IFFO2: variants seen among roughly 807,000 people sequenced by gnomAD.
The protein encoded by IFFO2 is intermediate filament family orphan 2.
IFFO2 carries 19 observed loss-of-function variants against 53.5 expected under a neutral mutation model. The ratio of observed to expected loss-of-function variants is 0.36; its 90% CI spans 0.25 to 0.52. The LOEUF (loss-of-function observed/expected upper bound fraction) is 0.52. IFFO2 is among the 20% of genes least tolerant of loss of function. IFFO2 has a pLI of 0.94. For missense variants in IFFO2, 570 were observed against 727.4 expected (o/e 0.78, Z 2.49); for synonymous variants, 303 against 313.6 (o/e 0.97, Z 0.36).
In IFFO2 at chr1:18,919,821, G is replaced by A; in HGVS notation, c.727-48C>T. ...GCTTCAGAGGGGCCGGGTCCTCTGG[G>A]GATAGGAGGGTCTGGACACCTGAGT... On this transcript the variant is annotated intron_variant, in intron 2 of 8. Transcript: ENST00000455833. This position sits in a 1 kb window ranked among gnomAD's most constrained non-coding sequence, Gnocchi z 4.9. The A allele has an allele frequency of 1.5e-6, 2 of 1,334,788 alleles. No homozygotes were observed. The highest frequency in any genetic ancestry group is 2.1e-6 in the Non-Finnish European group (2 of 952,458). 82.7% of individuals were successfully genotyped at this position (1,334,788 alleles called of 1,614,324 possible).
At chr1:18,935,966 C>G (rs1424332216) in intron 1 of IFFO2, among the ~76,000 whole-genome samples, 1 of 150,868 alleles carries the variant, frequency 6.6e-6, no homozygotes, top group Non-Finnish European at 1.5e-5. Context: ...CTCAGACTCC[C>G]AAAGTGCTGG....
intron 5 of IFFO2, among the ~76,000 whole-genome samples, chr1:18,914,182 T>G (rs985223449): frequency 1.3e-5 from 2 of 152,224 alleles, no homozygotes; most frequent in Non-Finnish European, 2.9e-5. Context: ...AATTCCATAC[T>G]GAACCCAATT....
chr1:18,938,521 C>T (rs1343917115), intron 1 of IFFO2, among the ~76,000 whole-genome samples: 8 of 152,190 alleles, frequency 5.3e-5, no homozygotes, highest in Non-Finnish European at 7.3e-5. Flanking sequence ...GGCCCTCAAC[C>T]GCTACTGACT....
In IFFO2 at chr1:18,921,148, T is replaced by A. The variant is rs527399936; in HGVS notation, c.666-27A>T. The A allele has an allele frequency of 1.0e-4, 162 of 1,548,986 alleles. No individual in the cohort carries two copies. In the South Asian group the frequency reaches 1.8e-3, roughly 17 times the overall value. On this transcript the variant is annotated intron_variant, in intron 1 of 8. Transcript: ENST00000455833. ...TGCAAAAGCCAAGAGGAACAGGTGG[T>A]CAGAAGGTGAGTTCCCTGTGCCAGT...
Position 18,908,320 on chromosome 1 carries a change from G to A in IFFO2, c.*241C>T, listed in dbSNP as rs1183648761. On this transcript the variant is annotated 3_prime_UTR_variant, in exon 9 of 9. Coordinates refer to ENST00000455833, the MANE Select transcript of IFFO2 (RefSeq NM_001136265.2). ...CACAGAAGTCTGCATTTGTAATGTG[G>A]AGAACAATAGAAATTGACAGCACCA... 1 of 515,332 alleles carries A rather than the reference G, an allele frequency of 1.9e-6. No homozygotes were observed. 31.9% of individuals were successfully genotyped at this position (515,332 alleles called of 1,614,324 possible). A position where few individuals can be genotyped will look rare whatever the true frequency, so the allele number is the denominator to read the frequency against.
chr1:18,931,187 A>G (rs1936371228), intron 1 of IFFO2, among the ~76,000 whole-genome samples: 1 of 152,006 alleles, frequency 6.6e-6, no homozygotes, highest in Non-Finnish European at 1.5e-5. Context: ...CAAACAAAAA[A>G]CACCTTTGGA....
At position 18,918,444 on chromosome 1, in the gene IFFO2, A is replaced by G; in HGVS notation, c.881T>C (p.Ile294Thr). 6.4e-7 allele frequency: 1 copy of G among 1,561,806 alleles called. No individual in the cohort carries two copies. Among genetic ancestry groups the G allele is most frequent in the Non-Finnish European group, 8.7e-7 (1 of 1,152,590 alleles). The change falls in exon 4 of 9, where the codon ATC becomes ACC. Residue 294 changes from isoleucine (I) to threonine (T), a missense_variant. Transcript: ENST00000455833. The surrounding 1 kb of genome is among the most constrained non-coding windows in gnomAD (Gnocchi z 5.2). ...QEKAMKVDMD[I>T]CRRIDITAKL... ...GGCCGTGATATCGATTCGGCGGCAG[A>G]TGTCCATGTCCACCTTCATGGCCTT...
At position 18,912,028 on chromosome 1, in the gene IFFO2, C is replaced by T; in HGVS notation, c.1159G>A (p.Glu387Lys). 1 of 1,551,828 alleles carries T rather than the reference C, an allele frequency of 6.4e-7. No homozygotes were observed. The highest frequency in any genetic ancestry group is 8.7e-7 in the Non-Finnish European group (1 of 1,147,006). ...TCCTCCCAGAGCAGCAGCGTGTCTT[C>T]ATTCTCTTCCCACGTCAGGCTGTCA... is the stretch of plus-strand genomic sequence containing the variant. The part of the protein sequence containing the change: ...DCDSLTWEEN[E>K]DTLLLWEDFT... Residue 387 changes from glutamate (E) to lysine (K), a missense_variant, in exon 6 of 9, where the codon GAA (glutamate) becomes AAA (lysine). Transcript: ENST00000455833.
At chr1:18,927,276 C>T (rs531391831) in intron 1 of IFFO2, among the ~76,000 whole-genome samples, 3 of 152,312 alleles carry the variant, frequency 2.0e-5, no homozygotes, top group Admixed American at 6.5e-5. Context: ...TGCGGGAAGG[C>T]GAGCGGCCGG....
chr1:18,940,893 C>G (rs145223628), intron 1 of IFFO2, among the ~76,000 whole-genome samples: 12 of 152,316 alleles, frequency 7.9e-5, no homozygotes, highest in African/African-American at 7.2e-5. Context: ...CAAGTCCCCC[C>G]CAAAAGCCAT....
In IFFO2 at chr1:18,908,551, GC is replaced by G; in HGVS notation, c.*9del. On this transcript the variant is annotated 3_prime_UTR_variant, in exon 9 of 9. Transcript: ENST00000455833. ...TCACCAAGACCACCAGGCTCGCAGGGCCTCAGTCATCAGCTGACCATGGGCT... is the reference window on the plus strand; with the variant it reads ...TCACCAAGACCACCAGGCTCGCAGGGCTCAGTCATCAGCTGACCATGGGCT... 1.3e-6 allele frequency: 2 copies of G among 1,543,088 alleles called. No homozygotes were observed. The highest frequency in any genetic ancestry group is 1.8e-6 in the Non-Finnish European group (2 of 1,139,194).
At chr1:18,935,656 TCTC>T (rs1031614551) in intron 1 of IFFO2, among the ~76,000 whole-genome samples, 1 of 151,616 alleles carries the variant, frequency 6.6e-6, no homozygotes, top group African/African-American at 2.4e-5. Flanking sequence ...CCCCTGCTGG[TCTC>T]CTCTGCTTAA....
intron 1 of IFFO2, among the ~76,000 whole-genome samples, chr1:18,931,928 T>C (rs772455002): frequency 6.6e-6 from 1 of 152,226 alleles, no homozygotes; most frequent in African/African-American, 2.4e-5. Context: ...TCACAGTCAC[T>C]GACCTGGAAA....
chr1:18,954,508 TC>T (rs980936781), intron 1 of IFFO2, among the ~76,000 whole-genome samples: 4 of 152,174 alleles, frequency 2.6e-5, no homozygotes, highest in African/African-American at 9.7e-5. Flanking sequence ...GAAGGGTCCT[TC>T]TCAGTACATC....
intron 5 of IFFO2, among the ~76,000 whole-genome samples, 189 bp from the exon 6 acceptor site, chr1:18,912,272 A>C (rs1936052931): frequency 6.6e-6 from 1 of 151,880 alleles, no homozygotes; most frequent in Non-Finnish European, 1.5e-5. Context: ...AAAATGCAGA[A>C]TGTATTTATG....
At chr1:18,913,286 AG>A (rs1936067821) in intron 5 of IFFO2, among the ~76,000 whole-genome samples, 1 of 152,232 alleles carries the variant, frequency 6.6e-6, no homozygotes, top group Non-Finnish European at 1.5e-5. Flanking sequence ...CCCCGAGTCC[AG>A]GGTCCTGAGC....
intron 1 of IFFO2, among the ~76,000 whole-genome samples, chr1:18,954,157 T>C (rs1311253941): frequency 1.3e-5 from 2 of 152,212 alleles, no homozygotes; most frequent in Admixed American, 1.3e-4. Flanking sequence ...GTGTAAGACC[T>C]ACCCCCAGGA....
At chr1:18,950,757 C>G (rs1187461508) in intron 1 of IFFO2, among the ~76,000 whole-genome samples, 5 of 152,194 alleles carry the variant, frequency 3.3e-5, no homozygotes, top group African/African-American at 1.2e-4. Context: ...GAGGGCCCCC[C>G]TGGGGTGTGA....
chr1:18,945,690 C>A (rs2148188965), intron 1 of IFFO2, among the ~76,000 whole-genome samples: 1 of 152,348 alleles, frequency 6.6e-6, no homozygotes, highest in East Asian at 1.9e-4. Flanking sequence ...ACAGGCCCCA[C>A]CCCCAGCACA....
Sources: gnomAD v4.1 joint callset for allele counts (sites outside exome capture counted in the v4.1 genomes callset) on GRCh38, gnomAD v4.1.1 for gene constraint, Gnocchi (gnomAD v3.1) non-coding constraint, MANE v1.5 for transcripts, NCBI Gene and HGNC (gene_info 2026-07-23, HGNC 2026-07-21) for gene names.